Variants in CLEC2A observed in about 807,000 individuals in gnomAD.
CLEC2A encodes keratinocyte-associated C-type lectin.
In CLEC2A, 19 loss-of-function variants were observed where a neutral mutation model predicts 18.6. That is an observed-to-expected ratio of 1.02 (90% CI 0.71 to 1.50). The LOEUF (loss-of-function observed/expected upper bound fraction) is 1.50, where lower values mean the gene tolerates loss of function less well. CLEC2A is among the 40% of genes most tolerant of loss of function. The probability of loss-of-function intolerance (pLI) is 0.00; values close to 1 mark genes in which losing one functional copy is unlikely to be tolerated. For synonymous variants in CLEC2A, 74 were observed against 64.0 expected, an observed-to-expected ratio of 1.16 and a Z score of -0.75; for missense variants, 190 against 207.9, an observed-to-expected ratio of 0.91 and a Z score of 0.53.
At chr12:9,881,481 T>C in the CLEC2A span, 1 of 729,116 alleles carries the variant, frequency 1.4e-6, no homozygotes, top group Non-Finnish European at 2.2e-6. Context: ...ATTTTTGGCC[T>C]TCCTTTTAGT....
intron 4 of CLEC2A, among the ~76,000 whole-genome samples, chr12:9,902,737 T>C (rs113707149): frequency 1.5e-3 from 227 of 151,956 alleles, no homozygotes; most frequent in African/African-American, 5.4e-3. Context: ...TTTACTTCTG[T>C]AGAAAGGTGT....
In CLEC2A at chr12:9,913,600, T is replaced by C. The variant is rs117696017; in HGVS notation, c.491A>G (p.Lys164Arg). Residue 164 changes from lysine to arginine, a missense_variant, in exon 5 of 5, where the codon AAG becomes AGG. Physicochemically the swap from Lys to Arg is conservative, Grantham distance 26 (BLOSUM62 2). Coordinates refer to ENST00000455827, the MANE Select transcript of CLEC2A (RefSeq NM_001130711.2). Reference sequence around the variant, plus strand: ...ATATTTAGGTTTGCTGCAAATCCACTTGATATCAATAAATCCTCTGGAACT... The same window carrying C: ...ATATTTAGGTTTGCTGCAAATCCACCTGATATCAATAAATCCTCTGGAACT... ...VHSSRGFIDI[K>R]WICSKPKYFL 15,321 of 1,549,846 alleles carry C rather than the reference T, an allele frequency of 9.9e-3. 75 individuals are homozygous for C. Among genetic ancestry groups the C allele is most frequent in the Non-Finnish European group, 0.011 (13,011 of 1,146,718 alleles).
chr12:9,882,260 G>T, the CLEC2A span, among the ~76,000 whole-genome samples: 1 of 152,140 alleles, frequency 6.6e-6, no homozygotes, highest in African/African-American at 2.4e-5. Context: ...ATTACCAGTC[G>T]CAGTGGCAGT....
chr12:9,924,940 A>G (rs1174676623), intron 2 of CLEC2A, among the ~76,000 whole-genome samples: 1 of 152,242 alleles, frequency 6.6e-6, no homozygotes, highest in Non-Finnish European at 1.5e-5. Flanking sequence ...CAACATTCTT[A>G]TAGTCAAGGA....
chr12:9,913,524 T>A lies in CLEC2A; in HGVS notation c.*42A>T. ...CACTTTTGCATAATTAGCTCTTCTT[T>A]CAATCTTGAAGTGTGATAATCATTT... On this transcript the variant is annotated 3_prime_UTR_variant, in exon 5 of 5. Transcript: ENST00000455827. The A allele has an allele frequency of 1.3e-6, 2 of 1,524,964 alleles. No homozygotes were observed. Among genetic ancestry groups the A allele is most frequent in the Non-Finnish European group, 1.8e-6 (2 of 1,139,932 alleles). 94.5% of individuals were successfully genotyped at this position (1,524,964 alleles called of 1,614,324 possible).
chr12:9,884,335 T>C, the CLEC2A span, among the ~76,000 whole-genome samples: 2 of 151,954 alleles, frequency 1.3e-5, no homozygotes, highest in Non-Finnish European at 2.9e-5. Context: ...AAGCTGAAAC[T>C]GACTCCTGTC....
chr12:9,895,808 C>G, downstream of CLEC2A: 5 of 1,534,968 alleles, frequency 3.3e-6, no homozygotes, highest in Non-Finnish European at 4.4e-6. Context: ...GCGATCTTGA[C>G]GCACAATGGA....
chr12:9,895,002 C>T (rs1235622484), downstream of CLEC2A, among the ~76,000 whole-genome samples: 1 of 152,102 alleles, frequency 6.6e-6, no homozygotes, highest in Non-Finnish European at 1.5e-5. Flanking sequence ...CTTAAATAAT[C>T]ATTAGTAACT....
chr12:9,898,993 A>G, intron 4 of CLEC2A: 1 of 711,818 alleles, frequency 1.4e-6, no homozygotes, highest in Non-Finnish European at 2.6e-6. Flanking sequence ...GCAAGAACAG[A>G]CAAACCGGAT....
At chr12:9,883,495 T>C in the CLEC2A span, among the ~76,000 whole-genome samples, 1 of 152,210 alleles carries the variant, frequency 6.6e-6, no homozygotes. Flanking sequence ...TGGTCTATTG[T>C]TCAGTTTTTT....
downstream of CLEC2A, among the ~76,000 whole-genome samples, chr12:9,898,121 C>T (rs1355012300): frequency 3.3e-5 from 5 of 152,236 alleles, no homozygotes; most frequent in Admixed American, 3.3e-4. Context: ...TTTTATCAAA[C>T]ATAGTTAATC....
At chr12:9,921,084 A>G (rs1863164997) in intron 3 of CLEC2A, among the ~76,000 whole-genome samples, 1 of 152,146 alleles carries the variant, frequency 6.6e-6, no homozygotes, top group Non-Finnish European at 1.5e-5. Flanking sequence ...GTTACATAAC[A>G]TTTCTGTGAC....
intron 3 of CLEC2A, among the ~76,000 whole-genome samples, chr12:9,918,472 A>T (rs988315386): frequency 6.6e-6 from 1 of 152,162 alleles, no homozygotes; most frequent in Admixed American, 6.5e-5. Flanking sequence ...CTGTTTTTGT[A>T]CCAGTACCAT....
At chr12:9,892,931 C>A in the CLEC2A span, 9 of 1,085,032 alleles carry the variant, frequency 8.3e-6, no homozygotes, top group Admixed American at 2.9e-5. Context: ...TTGGAAAAAT[C>A]TATTTTCCAA....
At chr12:9,889,339 A>G in the CLEC2A span, among the ~76,000 whole-genome samples, 4 of 152,322 alleles carry the variant, frequency 2.6e-5, no homozygotes, top group South Asian at 8.3e-4. Flanking sequence ...GTCAAATACC[A>G]GTCTAGATGT....
At chr12:9,889,589 C>T in the CLEC2A span, among the ~76,000 whole-genome samples, 1,346 of 152,002 alleles carry the variant, frequency 8.9e-3, 15 homozygotes, top group African/African-American at 0.031. Context: ...TTGGACTTGC[C>T]TGCCCCCACA....
the CLEC2A span, among the ~76,000 whole-genome samples, chr12:9,880,055 T>C: frequency 3.3e-5 from 5 of 152,218 alleles, no homozygotes; most frequent in Non-Finnish European, 5.9e-5. Flanking sequence ...TCAGTGGTTA[T>C]GTAAAATACG....
At chr12:9,881,088 T>A in the CLEC2A span, among the ~76,000 whole-genome samples, 2 of 152,374 alleles carry the variant, frequency 1.3e-5, no homozygotes, top group Admixed American at 1.3e-4. Context: ...TTTATTTTCC[T>A]ATTTTTGTCC....
chr12:9,909,197 T>A (rs977718356), downstream of CLEC2A, among the ~76,000 whole-genome samples: 7 of 152,328 alleles, frequency 4.6e-5, no homozygotes, highest in Non-Finnish European at 8.8e-5. Flanking sequence ...CTTCCCCTGT[T>A]GTGTGCTGAG....
Sources: gnomAD v4.1 joint callset for allele counts (sites outside exome capture counted in the v4.1 genomes callset) on GRCh38, gnomAD v4.1.1 for gene constraint, MANE v1.5 for transcripts, NCBI Gene and HGNC (gene_info 2026-07-23, HGNC 2026-07-21) for gene names.